CHD5: variants seen among roughly 807,000 people sequenced by gnomAD.
CHD5 encodes ATP-dependent chromatin remodeler CHD5.
A neutral mutation model predicts 230.3 loss-of-function variants in CHD5; 69 were observed. That is an observed-to-expected ratio of 0.30 (90% confidence interval 0.25 to 0.37). The LOEUF is 0.37. Ranked by LOEUF, CHD5 falls within the 10% of genes least tolerant of loss-of-function variation. The pLI is 1.00. For synonymous variants in CHD5, 1,064 were observed against 1,065.9 expected, an observed-to-expected ratio of 1.00 and a Z score of 0.03; for missense variants, 1,827 against 2,622.8, an observed-to-expected ratio of 0.70 and a Z score of 6.63.
chr1:6,172,313 TC>T (rs2100886045), intron 1 of CHD5, among the ~76,000 whole-genome samples: 2 of 152,256 alleles, frequency 1.3e-5, no homozygotes, highest in Non-Finnish European at 2.9e-5. Context: ...GGGGTACTAT[TC>T]TTTCTGGTTT....
In CHD5 at chr1:6,119,815, G is replaced by GTATATA. The variant is rs61439145; in HGVS notation, c.4912+1284_4912+1289dup. Among the ~76,000 whole-genome samples the GTATATA allele has an allele frequency of 5.4e-5, 8 of 148,938 alleles. No homozygotes were observed. The South Asian group carries it at 6.4e-4, about 12-fold the overall frequency. On this transcript the variant is annotated intron_variant, in intron 33 of 41. Coordinates refer to ENST00000262450, the MANE Select transcript of CHD5 (RefSeq NM_015557.3). The stretch of plus-strand genomic sequence containing the variant: ...CGTACGTATGTACGTACATATATAC[G>GTATATA]TATATATATACGTGTATATGTATAT...
Position 6,154,949 on chromosome 1 carries a change from G to A in CHD5, c.507-51C>T, listed in dbSNP as rs373333920. On this transcript the variant is annotated intron_variant, in intron 4 of 41. Coordinates refer to ENST00000262450, the MANE Select transcript of CHD5 (RefSeq NM_015557.3). The surrounding 1 kb of genome is among the most constrained non-coding windows in gnomAD (Gnocchi z 7.0). ...AGGGCAAGGCCAGGTGAGATGAGAG[G>A]CCCACCCGACCCCCGGCAGGGCCCA... The A allele has an allele frequency of 1.7e-5, 26 of 1,516,316 alleles. No individual in the cohort carries two copies. Among genetic ancestry groups the A allele is most frequent in the Non-Finnish European group, 2.3e-5 (25 of 1,105,596 alleles). 93.9% of individuals were successfully genotyped at this position (1,516,316 alleles called of 1,614,324 possible).
At chr1:6,112,090 A>AC in intron 35 of CHD5, 50 bp downstream of exon 35, 1 of 1,595,120 alleles carries the variant, frequency 6.3e-7, no homozygotes. Context: ...GACTCCTGGG[A>AC]CCCACAGTCA....
chr1:6,175,720 G>A (rs895521790), intron 1 of CHD5, among the ~76,000 whole-genome samples: 7 of 150,582 alleles, frequency 4.6e-5, no homozygotes, highest in African/African-American at 7.4e-5. Context: ...ACGGACGGAC[G>A]GATGGATATA....
rs567950107 is a variant in CHD5 at position 6,110,045 on chromosome 1, G to A, written c.5383-55C>T. ...CCCTCCCGCTGAATGGCTACCCTCC[G>A]TGCTCCACCAGCGCCCACCCCAGGC... On this transcript the variant is annotated intron_variant, in intron 37 of 41. Transcript: ENST00000262450. 491 of 1,420,580 alleles carry A rather than the reference G, an allele frequency of 3.5e-4. 1 individual carries two copies. Among genetic ancestry groups the A allele is most frequent in the Non-Finnish European group, 4.0e-4 (426 of 1,072,152 alleles). 88.0% of individuals were successfully genotyped at this position (1,420,580 alleles called of 1,614,324 possible). A position where few individuals can be genotyped will look rare whatever the true frequency, so the allele number is the denominator to read the frequency against.
At chr1:6,133,092 TG>T (rs1196205504) in intron 20 of CHD5, among the ~76,000 whole-genome samples, 1 of 152,150 alleles carries the variant, frequency 6.6e-6, no homozygotes, top group Non-Finnish European at 1.5e-5. Context: ...TTTATTGTTT[TG>T]GGGGATGTCT....
chr1:6,121,627 G>T lies in CHD5; in HGVS notation c.4700-54C>A. Reference sequence around the variant, plus strand: ...AGGTGGGCTCAGACGGGAAGGAGTAGGGCAGGGAGTGGGGTGGCAGAGAGG... The same window carrying T: ...AGGTGGGCTCAGACGGGAAGGAGTATGGCAGGGAGTGGGGTGGCAGAGAGG... On this transcript the variant is annotated intron_variant, in intron 31 of 41. Transcript: ENST00000262450. The surrounding 1 kb of genome is among the most constrained non-coding windows in gnomAD (Gnocchi z 4.5). The T allele has an allele frequency of 7.2e-7, 1 of 1,380,612 alleles. No homozygotes were observed. The highest frequency in any genetic ancestry group is 1.0e-6 in the Non-Finnish European group (1 of 984,034). The allele number at this position is 1,380,612 out of a possible 1,614,324, so 85.5% of individuals were successfully genotyped here. A position where few individuals can be genotyped will look rare whatever the true frequency, so the allele number is the denominator to read the frequency against.
chr1:6,158,729 C>T (rs988958883), intron 3 of CHD5, among the ~76,000 whole-genome samples: 20 of 152,084 alleles, frequency 1.3e-4, no homozygotes, highest in African/African-American at 1.7e-4. Flanking sequence ...AGATGGAGGC[C>T]GGGCGCGGTG....
Position 6,146,126 on chromosome 1 carries a change from C to G in CHD5, c.1802+86G>C, listed in dbSNP as rs1055982380. 4.9e-5 allele frequency: 66 copies of G among 1,352,464 alleles called. No individual in the cohort carries two copies. Among genetic ancestry groups the G allele is most frequent in the Non-Finnish European group, 6.8e-5 (66 of 967,816 alleles). The allele number at this position is 1,352,464 out of a possible 1,614,324, so 83.8% of individuals were successfully genotyped here. ...AGCCCCAAAGCAAGGGCCCTGGCAC[C>G]CTGCGCTGCACCCATTTTACAGGGC... On this transcript the variant is annotated intron_variant, in intron 11 of 41. Coordinates refer to ENST00000262450, the MANE Select transcript of CHD5 (RefSeq NM_015557.3). The surrounding 1 kb of genome is among the most constrained non-coding windows in gnomAD (Gnocchi z 5.1).
chr1:6,171,480 A>T (rs1667338100), intron 1 of CHD5, among the ~76,000 whole-genome samples: 1 of 151,282 alleles, frequency 6.6e-6, no homozygotes, highest in African/African-American at 2.5e-5. Flanking sequence ...CCCTGAGGTC[A>T]CCACACGCCT....
chr1:6,121,224 G>A lies in CHD5; in HGVS notation c.4793C>T (p.Ala1598Val). ...GTCCTCACTCTCCACTCTATCCAAG[G>A]CGGCTGGAAGGGCCTGCAGAGGAAA... ...QPLEVQALPAALDRVESEDKH... is the reference protein window; with the variant it reads ...QPLEVQALPAVLDRVESEDKH... Residue 1598 changes from alanine (A) to valine (V), a missense_variant, in exon 33 of 42, where the codon GCC becomes GTC. Ala to Val is a moderately conservative substitution (Grantham distance 64, BLOSUM62 0). Transcript: ENST00000262450. The surrounding 1 kb of genome is among the most constrained non-coding windows in gnomAD (Gnocchi z 4.5). The A allele has an allele frequency of 2.5e-6, 4 of 1,611,732 alleles. No individual in the cohort carries two copies. The highest frequency in any genetic ancestry group is 2.7e-5 in the African/African-American group (2 of 74,870).
chr1:6,172,788 C>A (rs1228915000), intron 1 of CHD5, among the ~76,000 whole-genome samples: 1 of 152,188 alleles, frequency 6.6e-6, no homozygotes, highest in Non-Finnish European at 1.5e-5. Flanking sequence ...CCACACTAGT[C>A]CCCCTGCACA....
chr1:6,125,036 C>T lies in CHD5; in HGVS notation c.4394+64G>A. 5 of 1,440,132 alleles carry T rather than the reference C, an allele frequency of 3.5e-6. No individual in the cohort carries two copies. Among genetic ancestry groups the T allele is most frequent in the Middle Eastern group, 1.8e-4 (1 of 5,438 alleles). 89.2% of individuals were successfully genotyped at this position (1,440,132 alleles called of 1,614,324 possible). A position where few individuals can be genotyped will look rare whatever the true frequency, so the allele number is the denominator to read the frequency against. ...AATGCTGCCCTCTGTGGGGCTCACC[C>T]GCAGGACCCTGCCCTACTCAGGGGC... On this transcript the variant is annotated intron_variant, in intron 29 of 41. Transcript: ENST00000262450. This position sits in a 1 kb window ranked among gnomAD's most constrained non-coding sequence, Gnocchi z 6.7.
rs148598493 is a variant in CHD5 at position 6,154,706 on chromosome 1, C to G, written c.699G>C (p.Val233=). Residue 233 remains valine, a synonymous_variant, in exon 5 of 42, where the codon GTG becomes GTC. Transcript: ENST00000262450. This position sits in a 1 kb window ranked among gnomAD's most constrained non-coding sequence, Gnocchi z 7.0. Reference sequence around the variant, plus strand: ...CCTTGCGGATAGGCACAGGCTGGGGCACCTGCGGGGGGCTGACGGCTAGCG... The same window carrying G: ...CCTTGCGGATAGGCACAGGCTGGGGGACCTGCGGGGGGCTGACGGCTAGCG... ...SPPLAVSPPQ[V]PQPVPIRKAK... is the part of the protein sequence containing the mutation. 6.2e-7 allele frequency: 1 copy of G among 1,601,552 alleles called. No individual in the cohort carries two copies.
chr1:6,103,277 G>A lies in CHD5; in HGVS notation c.*2197C>T, dbSNP rs1666104386. On this transcript the variant is annotated 3_prime_UTR_variant, in exon 42 of 42. Coordinates refer to ENST00000262450, the MANE Select transcript of CHD5 (RefSeq NM_015557.3). Reference sequence around the variant, plus strand: ...GTGCAGGGGGCCCAGGCCCAAAGGAGCCCTGGCCAGGCTTTCCTGGGTGCC... The same window carrying A: ...GTGCAGGGGGCCCAGGCCCAAAGGAACCCTGGCCAGGCTTTCCTGGGTGCC... The A allele has an allele frequency of 6.6e-6, 1 of 152,624 alleles. No homozygotes were observed. The allele number at this position is 152,624 out of a possible 1,614,324, so 9.5% of individuals were successfully genotyped here.
In CHD5 at chr1:6,134,020, C is replaced by T. The variant is rs540873203; in HGVS notation, c.3144+108G>A. On this transcript the variant is annotated intron_variant, in intron 20 of 41. Transcript: ENST00000262450. The surrounding 1 kb of genome is among the most constrained non-coding windows in gnomAD (Gnocchi z 6.3). The stretch of plus-strand genomic sequence containing the variant: ...CACAGTCACATGACCCACATGGGAA[C>T]GGCACTGGGCCCTGAGGGGTGCCAG... The T allele has an allele frequency of 4.0e-5, 43 of 1,082,624 alleles. No individual in the cohort carries two copies. The highest frequency in any genetic ancestry group is 3.4e-4 in the African/African-American group (22 of 64,272). The allele number at this position is 1,082,624 out of a possible 1,614,324, so 67.1% of individuals were successfully genotyped here.
chr1:6,134,344 A>C lies in CHD5; in HGVS notation c.3013-85T>G, dbSNP rs2100850719. On this transcript the variant is annotated intron_variant, in intron 19 of 41. Coordinates refer to ENST00000262450, the MANE Select transcript of CHD5 (RefSeq NM_015557.3). This position sits in a 1 kb window ranked among gnomAD's most constrained non-coding sequence, Gnocchi z 6.3. ...CCAAAGGGGCCGCAGGGAACAGACA[A>C]GTGCTGAGCAATGGGGTGATGGCCT... 2 of 1,499,040 alleles carry C rather than the reference A, an allele frequency of 1.3e-6. No homozygotes were observed. Among genetic ancestry groups the C allele is most frequent in the Middle Eastern group, 3.7e-4 (2 of 5,416 alleles). The allele number at this position is 1,499,040 out of a possible 1,614,324, so 92.9% of individuals were successfully genotyped here.
At chr1:6,141,928 C>T (rs1173065908) in intron 15 of CHD5, among the ~76,000 whole-genome samples, 200 bp downstream of exon 15, 3 of 152,196 alleles carry the variant, frequency 2.0e-5, no homozygotes, top group Non-Finnish European at 4.4e-5. Flanking sequence ...TTTGAAGCCA[C>T]TCCATTTGTG....
intron 2 of CHD5, among the ~76,000 whole-genome samples, chr1:6,162,207 C>T (rs1273511507): frequency 6.6e-6 from 1 of 151,994 alleles, no homozygotes; most frequent in African/African-American, 2.4e-5. Context: ...CTTGGAGAAA[C>T]ACTTTCTCTA....
Sources: allele counts gnomAD v4.1 joint callset (sites outside exome capture counted in the v4.1 genomes callset), GRCh38; gene constraint gnomAD v4.1.1; non-coding constraint Gnocchi (gnomAD v3.1); transcripts MANE v1.5; gene names NCBI Gene and HGNC (gene_info 2026-07-23, HGNC 2026-07-21).